The following SENP6 variants were observed in gnomAD, a reference collection of about 807,000 sequenced individuals.
SENP6 encodes sentrin-specific protease 6.
A neutral mutation model predicts 134.5 loss-of-function variants in SENP6; 41 were observed. The observed-to-expected ratio is 0.30, with a 90% confidence interval of 0.24 to 0.40. SENP6 has a LOEUF of 0.40. Among genes scored for constraint, SENP6 ranks in the 10% least tolerant of loss-of-function variants. The pLI is 1.00. For missense variants in SENP6, 1,248 were observed against 1,312.5 expected (o/e 0.95, Z 0.76); for synonymous variants, 395 against 429.8 (o/e 0.92, Z 1.00).
Position 75,713,638 on chromosome 6 carries a change from A to G in SENP6, c.2979-37A>G, listed in dbSNP as rs138910178. Reference sequence around the variant, plus strand: ...GGGATGAAGAACTATGTATATTTATATATGTGTGTATTCTTAATATATATG... The same window carrying G: ...GGGATGAAGAACTATGTATATTTATGTATGTGTGTATTCTTAATATATATG... On this transcript the variant is annotated intron_variant, in intron 22 of 23. Transcript: ENST00000447266. The G allele has an allele frequency of 8.2e-4, 1,309 of 1,589,396 alleles. 25 individuals are homozygous for G. The Admixed American group carries it at 0.021, about 25-fold the overall frequency.
chr6:75,709,557 G>A lies in SENP6; in HGVS notation c.2747G>A (p.Ser916Asn). The change falls in exon 20 of 24, where the codon AGC becomes AAC. Residue 916 changes from serine to asparagine, a missense_variant. By Grantham distance (46) the Ser-to-Asn change is conservative. Transcript: ENST00000447266. ...DGLSKIRLNYSDESPEAGKML... is the reference protein window; with the variant it reads ...DGLSKIRLNYNDESPEAGKML... The stretch of plus-strand genomic sequence containing the variant: ...TTAAGCAAAATCAGACTAAACTATA[G>A]CGATGAATCACCTGAAGCTGGTAAA... 6.2e-7 allele frequency: 1 copy of A among 1,613,772 alleles called. No homozygotes were observed. The highest frequency in any genetic ancestry group is 8.5e-7 in the Non-Finnish European group (1 of 1,179,816).
At chr6:75,604,586 C>T (rs1210013685) in intron 1 of SENP6, among the ~76,000 whole-genome samples, 3 of 151,090 alleles carry the variant, frequency 2.0e-5, no homozygotes, top group Non-Finnish European at 4.4e-5. Context: ...GATAGCGCCA[C>T]TGCACTCCAG....
chr6:75,624,391 A>G (rs370060982), intron 3 of SENP6, among the ~76,000 whole-genome samples: 20 of 152,240 alleles, frequency 1.3e-4, no homozygotes, highest in African/African-American at 4.6e-4. Flanking sequence ...TTAGCCTTCT[A>G]TATGGGTTAT....
At chr6:75,638,578 GTGTGTGTGTGTGTATATATATA>G (rs1398680285) in intron 5 of SENP6, among the ~76,000 whole-genome samples, 13 of 14,248 alleles carry the variant, frequency 9.1e-4, no homozygotes, top group Non-Finnish European at 1.5e-3. Context: ...GTGTGTGTGT[GTGTGTGTGTGTGTATATATATA>G]TATATATATA....
chr6:75,611,503 G>A (rs1287670623), intron 1 of SENP6: 1 of 152,128 alleles, frequency 6.6e-6, no homozygotes, highest in African/African-American at 2.4e-5. Context: ...TTACGTGTTT[G>A]CACTTTCAAA....
chr6:75,636,086 C>T (rs1324722125), intron 5 of SENP6, among the ~76,000 whole-genome samples: 1 of 151,792 alleles, frequency 6.6e-6, no homozygotes, highest in Non-Finnish European at 1.5e-5. Context: ...AATTGGGTTG[C>T]GATTTGTTTT....
chr6:75,646,471 T>A (rs1770446904), intron 6 of SENP6: 1 of 152,306 alleles, frequency 6.6e-6, no homozygotes, highest in South Asian at 2.1e-4. Context: ...AAGTTTATTG[T>A]GAGGATTAAA....
chr6:75,684,033 G>T (rs1236814876), intron 16 of SENP6, among the ~76,000 whole-genome samples: 1 of 152,118 alleles, frequency 6.6e-6, no homozygotes, highest in Non-Finnish European at 1.5e-5. Flanking sequence ...CCATGAGAAT[G>T]GAATATTCTT....
intron 5 of SENP6, 47 bp from the exon 6 acceptor site, chr6:75,640,637 C>G: frequency 2.2e-6 from 3 of 1,377,806 alleles, no homozygotes; most frequent in Non-Finnish European, 2.9e-6. Context: ...GATATATCAA[C>G]AATGAGGTCT....
At chr6:75,623,812 TTAGG>T in intron 2 of SENP6, 84 bp from the exon 3 acceptor site, 1 of 1,158,786 alleles carries the variant, frequency 8.6e-7, no homozygotes, top group Non-Finnish European at 1.2e-6. Context: ...ATTCCCTGAA[TTAGG>T]TGAACATAGA....
chr6:75,702,392 A>G (rs1775096776), intron 18 of SENP6, among the ~76,000 whole-genome samples: 1 of 151,624 alleles, frequency 6.6e-6, no homozygotes, highest in Admixed American at 6.6e-5. Context: ...TAATTTTTGT[A>G]TTTTTAGTAG....
intron 13 of SENP6, among the ~76,000 whole-genome samples, chr6:75,676,438 G>T (rs962126656): frequency 6.6e-6 from 1 of 152,148 alleles, no homozygotes; most frequent in Non-Finnish European, 1.5e-5. Context: ...AAGTTGTTAA[G>T]TTCCTAAAAT....
At chr6:75,670,512 T>G in intron 10 of SENP6, 41 bp from the exon 11 acceptor site, 1 of 1,473,936 alleles carries the variant, frequency 6.8e-7, no homozygotes, top group African/African-American at 1.4e-5. Context: ...GCAGCCTTAT[T>G]TTAGTAAATT....
chr6:75,708,442 T>G (rs374608675), intron 19 of SENP6, among the ~76,000 whole-genome samples: 1 of 152,104 alleles, frequency 6.6e-6, no homozygotes, highest in Non-Finnish European at 1.5e-5. Context: ...TAAATAAAAA[T>G]CAGCTGGGCA....
chr6:75,710,443 T>G (rs763619066), intron 20 of SENP6, among the ~76,000 whole-genome samples: 4 of 152,228 alleles, frequency 2.6e-5, no homozygotes, highest in Non-Finnish European at 5.9e-5. Context: ...GACCTTTCAT[T>G]AGTTGTTAGG....
At chr6:75,616,920 G>A (rs972623693) in intron 1 of SENP6, among the ~76,000 whole-genome samples, 3 of 152,096 alleles carry the variant, frequency 2.0e-5, no homozygotes, top group African/African-American at 7.2e-5. Flanking sequence ...CTGGATTGCT[G>A]TGGTGTGATC....
intron 16 of SENP6, among the ~76,000 whole-genome samples, chr6:75,681,002 A>C (rs1165074903): frequency 6.6e-6 from 1 of 152,258 alleles, no homozygotes; most frequent in East Asian, 1.9e-4. Context: ...TGCCTTACCC[A>C]GAATCAGGAA....
At chr6:75,698,904 A>G (rs1020064150) in intron 18 of SENP6, among the ~76,000 whole-genome samples, 4 of 151,686 alleles carry the variant, frequency 2.6e-5, no homozygotes, top group African/African-American at 9.7e-5. Flanking sequence ...CCAGCTACTC[A>G]GGAGGCTGAG....
intron 16 of SENP6, among the ~76,000 whole-genome samples, chr6:75,685,155 A>AT (rs1238866252): frequency 6.6e-6 from 1 of 151,810 alleles, no homozygotes; most frequent in Non-Finnish European, 1.5e-5. Context: ...GAATTTATCC[A>AT]TTTTTTCTAG....
Sources: allele counts gnomAD v4.1 joint callset (sites outside exome capture counted in the v4.1 genomes callset), GRCh38; gene constraint gnomAD v4.1.1; transcripts MANE v1.5; gene names NCBI Gene and HGNC (gene_info 2026-07-23, HGNC 2026-07-21).